Variants in CHLSN observed in about 807,000 individuals in gnomAD.
The protein encoded by CHLSN is protein cholesin.
the CHLSN span, chr7:983,269 G>T: frequency 1.3e-6 from 2 of 1,543,404 alleles, no homozygotes. Context: ...GCTGCTCTGC[G>T]CCTGCGCCCA....
the CHLSN span, among the ~76,000 whole-genome samples, chr7:1,041,761 C>G: frequency 6.6e-6 from 1 of 152,096 alleles, no homozygotes; most frequent in Non-Finnish European, 1.5e-5. Context: ...GAAGGTTCAT[C>G]TCCGAGGGGA....
chr7:1,117,962 A>G, the CHLSN span, among the ~76,000 whole-genome samples: 1 of 152,142 alleles, frequency 6.6e-6, no homozygotes, highest in Non-Finnish European at 1.5e-5. Flanking sequence ...GCCTGTGCTT[A>G]TTCAAAAACA....
At chr7:1,019,613 AG>A in the CHLSN span, among the ~76,000 whole-genome samples, 1 of 152,332 alleles carries the variant, frequency 6.6e-6, no homozygotes. Flanking sequence ...CTGTGGGCAG[AG>A]GGGAGGCTGC....
the CHLSN span, among the ~76,000 whole-genome samples, chr7:1,130,408 T>A: frequency 2.0e-5 from 3 of 152,074 alleles, no homozygotes; most frequent in East Asian, 5.8e-4. Context: ...GGGACAAGGC[T>A]GCTTCTAGGA....
At chr7:1,062,012 C>T in the CHLSN span, among the ~76,000 whole-genome samples, 1 of 152,264 alleles carries the variant, frequency 6.6e-6, no homozygotes, top group Admixed American at 6.5e-5. Flanking sequence ...GCCCAACTCC[C>T]CAATTCTTCC....
the CHLSN span, among the ~76,000 whole-genome samples, chr7:1,120,269 A>G: frequency 6.6e-6 from 1 of 152,124 alleles, no homozygotes; most frequent in African/African-American, 2.4e-5. Context: ...TGTGTGGAGG[A>G]GCCAGGACCC....
At chr7:1,047,341 G>A in the CHLSN span, among the ~76,000 whole-genome samples, 1 of 152,222 alleles carries the variant, frequency 6.6e-6, no homozygotes, top group African/African-American at 2.4e-5. Context: ...CAAGTCACCT[G>A]ATTCACTCTC....
the CHLSN span, among the ~76,000 whole-genome samples, chr7:1,090,658 C>T: frequency 2.6e-5 from 4 of 152,214 alleles, no homozygotes; most frequent in South Asian, 2.1e-4. Flanking sequence ...CGGCAGAGCC[C>T]GGGCACCGCC....
At chr7:1,069,381 C>T in the CHLSN span, among the ~76,000 whole-genome samples, 1 of 126,028 alleles carries the variant, frequency 7.9e-6, no homozygotes, top group South Asian at 2.6e-4. Context: ...CCCCTCTCCC[C>T]TCTCCCCACG....
At chr7:982,300 C>T in the CHLSN span, among the ~76,000 whole-genome samples, 1 of 152,220 alleles carries the variant, frequency 6.6e-6, no homozygotes, top group Non-Finnish European at 1.5e-5. Flanking sequence ...CCTCAGGCTG[C>T]CTCGGCTCTG....
chr7:1,132,166 G>A, the CHLSN span, among the ~76,000 whole-genome samples: 3,697 of 152,264 alleles, frequency 0.024, 52 homozygotes, highest in Non-Finnish European at 0.029. Flanking sequence ...CTTACATATG[G>A]CACCAAAAAC....
At chr7:988,507 A>G in the CHLSN span, 1 of 1,598,106 alleles carries the variant, frequency 6.3e-7, no homozygotes, top group Non-Finnish European at 8.5e-7. Flanking sequence ...CTCTGCACCC[A>G]CCTCCTGATC....
At chr7:1,010,866 A>G in the CHLSN span, among the ~76,000 whole-genome samples, 1 of 151,984 alleles carries the variant, frequency 6.6e-6, no homozygotes, top group Non-Finnish European at 1.5e-5. Context: ...TTTTTTGGAA[A>G]AGTCAGAACA....
the CHLSN span, among the ~76,000 whole-genome samples, chr7:985,965 T>C: frequency 3.3e-5 from 5 of 152,132 alleles, no homozygotes; most frequent in African/African-American, 1.2e-4. Context: ...CCACCCGTCC[T>C]AGCCAGGGTG....
chr7:1,137,546 T>C, the CHLSN span: 2 of 152,224 alleles, frequency 1.3e-5, no homozygotes, highest in Admixed American at 6.5e-5. Flanking sequence ...ACTCCTGTAA[T>C]CCCAGCACTT....
At chr7:1,003,483 GT>G in the CHLSN span, among the ~76,000 whole-genome samples, 1 of 66,362 alleles carries the variant, frequency 1.5e-5, no homozygotes, top group Non-Finnish European at 2.9e-5. Flanking sequence ...CTGTGGGTGA[GT>G]GGAGTCCTGT....
chr7:1,106,556 C>T, the CHLSN span, among the ~76,000 whole-genome samples: 3 of 152,290 alleles, frequency 2.0e-5, no homozygotes, highest in South Asian at 2.1e-4. Context: ...ATTGACACGT[C>T]AGGAGGAGCC....
the CHLSN span, chr7:1,093,760 T>C: frequency 2.2e-6 from 1 of 448,420 alleles, no homozygotes; most frequent in South Asian, 1.6e-5. Flanking sequence ...TAAGAAAAGC[T>C]GATGAGGCTG....
chr7:1,084,426 T>C, the CHLSN span, among the ~76,000 whole-genome samples: 835 of 152,350 alleles, frequency 5.5e-3, 8 homozygotes, highest in African/African-American at 0.019. Flanking sequence ...GTGTTAGCTC[T>C]AGAATTCCTT....
Sources: allele counts gnomAD v4.1 joint callset (sites outside exome capture counted in the v4.1 genomes callset), GRCh38; gene constraint gnomAD v4.1.1; transcripts MANE v1.5; gene names NCBI Gene and HGNC (gene_info 2026-07-23, HGNC 2026-07-21).